EPB41L4A: variants seen among roughly 807,000 people sequenced by gnomAD.
EPB41L4A encodes erythrocyte membrane protein band 4.1 like 4A.
EPB41L4A carries 100 observed loss-of-function variants against 108.6 expected under a neutral mutation model. That is an observed-to-expected ratio of 0.92 (90% CI 0.78 to 1.09). EPB41L4A has a LOEUF of 1.09. Among genes scored for constraint, EPB41L4A ranks in the 50% least tolerant of loss-of-function variants. EPB41L4A has a pLI of 0.00. For missense variants in EPB41L4A, 1,030 were observed against 842.7 expected (o/e 1.22, Z -2.75); for synonymous variants, 319 against 289.0 (o/e 1.10, Z -1.05).
Position 112,237,927 on chromosome 5 carries a change from G to C in EPB41L4A, c.965+1733C>G, listed in dbSNP as rs150810736. On this transcript the variant is annotated intron_variant, in intron 11 of 22. Transcript: ENST00000261486. ...CAGATTTAGCATGGCCTCCAATTTTGCAAAGGTTACTTTTAATCACTTCCT... is the reference window on the plus strand; with the variant it reads ...CAGATTTAGCATGGCCTCCAATTTTCCAAAGGTTACTTTTAATCACTTCCT... Among the ~76,000 whole-genome samples, 132 of 152,266 alleles carry C rather than the reference G, an allele frequency of 8.7e-4. 2 individuals carry two copies. The highest frequency in any genetic ancestry group is 3.1e-3 in the African/African-American group (129 of 41,550).
chr5:112,353,473 G>A (rs908507830), intron 1 of EPB41L4A, among the ~76,000 whole-genome samples: 5 of 152,086 alleles, frequency 3.3e-5, no homozygotes, highest in African/African-American at 1.2e-4. Context: ...TGAGGTTAGT[G>A]GTGGTGGTGA....
At chr5:112,384,539 C>T (rs1204551295) in intron 1 of EPB41L4A, among the ~76,000 whole-genome samples, 2 of 151,782 alleles carry the variant, frequency 1.3e-5, no homozygotes, top group East Asian at 1.9e-4. Context: ...AACTTTCTGC[C>T]GCAGCCAAAC....
intron 12 of EPB41L4A, among the ~76,000 whole-genome samples, chr5:112,217,623 G>C (rs970127744): frequency 7.2e-5 from 11 of 152,168 alleles, no homozygotes; most frequent in Non-Finnish European, 1.2e-4. Flanking sequence ...GTTTGAACTT[G>C]AGAGTTTGAG....
At chr5:112,389,022 T>C (rs1760750121) in intron 1 of EPB41L4A, among the ~76,000 whole-genome samples, 1 of 152,146 alleles carries the variant, frequency 6.6e-6, no homozygotes. Flanking sequence ...GCTGTGAACT[T>C]ATGCTAAAGT....
chr5:112,316,650 T>G (rs779585567), intron 1 of EPB41L4A, among the ~76,000 whole-genome samples: 2 of 152,238 alleles, frequency 1.3e-5, no homozygotes, highest in Non-Finnish European at 2.9e-5. Context: ...ATATAAAAGT[T>G]TCTTCACACT....
chr5:112,306,395 T>G (rs1476745412), intron 2 of EPB41L4A, among the ~76,000 whole-genome samples: 1 of 152,138 alleles, frequency 6.6e-6, no homozygotes, highest in East Asian at 1.9e-4. Context: ...ACCCAATTTT[T>G]CATTCCAACC....
intron 17 of EPB41L4A, among the ~76,000 whole-genome samples, chr5:112,191,733 C>T (rs182064789): frequency 6.6e-6 from 1 of 150,680 alleles, no homozygotes; most frequent in Admixed American, 6.6e-5. Context: ...ATCCCAAAGA[C>T]CACATGCAAC....
chr5:112,344,662 G>A (rs1162273713), intron 1 of EPB41L4A, among the ~76,000 whole-genome samples: 1 of 152,204 alleles, frequency 6.6e-6, no homozygotes, highest in East Asian at 1.9e-4. Context: ...GGGCAGAATT[G>A]AGGCTTCTGG....
chr5:112,345,780 TACAC>T (rs60638685), intron 1 of EPB41L4A, among the ~76,000 whole-genome samples: 4,587 of 74,504 alleles, frequency 0.062, 227 homozygotes, highest in East Asian at 0.36. Context: ...TATATATATA[TACAC>T]ACACACACAC....
intron 1 of EPB41L4A, among the ~76,000 whole-genome samples, chr5:112,357,227 G>A (rs1758412569): frequency 6.6e-6 from 1 of 152,128 alleles, no homozygotes. Context: ...TTTGAGAAAT[G>A]GCTCCTAGCT....
intron 9 of EPB41L4A, among the ~76,000 whole-genome samples, chr5:112,256,344 C>T (rs1290576930): frequency 2.0e-5 from 3 of 152,126 alleles, no homozygotes; most frequent in African/African-American, 7.2e-5. Flanking sequence ...ACTTAGTACT[C>T]TTCTAGAAGT....
intron 1 of EPB41L4A, among the ~76,000 whole-genome samples, chr5:112,333,942 T>C (rs930419690): frequency 6.6e-6 from 1 of 152,038 alleles, no homozygotes; most frequent in Non-Finnish European, 1.5e-5. Context: ...AAAAATAAAA[T>C]TCTAAGTTTC....
chr5:112,391,209 G>A (rs1308368681), intron 1 of EPB41L4A, among the ~76,000 whole-genome samples: 1 of 152,164 alleles, frequency 6.6e-6, no homozygotes, highest in Non-Finnish European at 1.5e-5. Context: ...GAACTAAGCT[G>A]GACAGAGAAT....
At chr5:112,369,711 G>A (rs1759362835) in intron 1 of EPB41L4A, among the ~76,000 whole-genome samples, 1 of 152,216 alleles carries the variant, frequency 6.6e-6, no homozygotes, top group South Asian at 2.1e-4. Flanking sequence ...GGAACTTGGT[G>A]AGGGAGGTGG....
In EPB41L4A at chr5:112,259,227, AC is replaced by A; in HGVS notation, c.795+1del. On this transcript the variant is annotated splice_donor_variant, in intron 9 of 22. Transcript: ENST00000261486. LOFTEE classifies it high-confidence loss of function. ...ATTTAAGCTAAGGGCTTGGAAACTT[AC>A]ATCTTTTCCCAGTACTCTGAGTTCA... 1 of 1,611,758 alleles carries A rather than the reference AC, an allele frequency of 6.2e-7. No individual in the cohort carries two copies. The highest frequency in any genetic ancestry group is 8.5e-7 in the Non-Finnish European group (1 of 1,177,896).
intron 4 of EPB41L4A, among the ~76,000 whole-genome samples, chr5:112,268,990 C>CAA (rs1561527362): frequency 6.7e-6 from 1 of 149,926 alleles, no homozygotes; most frequent in East Asian, 2.0e-4. Flanking sequence ...TATTAGAAAA[C>CAA]AAAGAGCTGA....
At chr5:112,389,919 C>T (rs918718387) in intron 1 of EPB41L4A, among the ~76,000 whole-genome samples, 1 of 152,198 alleles carries the variant, frequency 6.6e-6, no homozygotes, top group African/African-American at 2.4e-5. Context: ...ACAACCAGGG[C>T]AGTTTCACAC....
At chr5:112,389,676 G>A (rs1415490938) in intron 1 of EPB41L4A, among the ~76,000 whole-genome samples, 2 of 152,046 alleles carry the variant, frequency 1.3e-5, no homozygotes, top group African/African-American at 4.8e-5. Context: ...GTCTATAAAG[G>A]CAACTTCCTC....
intron 1 of EPB41L4A, among the ~76,000 whole-genome samples, chr5:112,327,789 T>C (rs560530666): frequency 6.6e-6 from 1 of 151,830 alleles, no homozygotes; most frequent in Non-Finnish European, 1.5e-5. Context: ...ACAGTAAACA[T>C]CTCGCAAGTA....
Sources: allele counts gnomAD v4.1 joint callset (sites outside exome capture counted in the v4.1 genomes callset), GRCh38; gene constraint gnomAD v4.1.1; transcripts MANE v1.5; gene names NCBI Gene and HGNC (gene_info 2026-07-23, HGNC 2026-07-21).